EXD3: variants seen among roughly 807,000 people sequenced by gnomAD.
The protein encoded by EXD3 is exonuclease mut-7 homolog.
EXD3 carries 92 observed loss-of-function variants against 98.0 expected under a neutral mutation model. The ratio of observed to expected loss-of-function variants is 0.94; its 90% CI spans 0.79 to 1.12. The LOEUF is 1.12. Ranked by LOEUF, EXD3 falls within the 50% of genes most tolerant of loss-of-function variation. The pLI is 0.00. For synonymous variants in EXD3, 569 were observed against 526.0 expected (o/e 1.08, Z -1.12); for missense variants, 1,222 against 1,191.6 (o/e 1.03, Z -0.38).
intron 1 of EXD3, among the ~76,000 whole-genome samples, chr9:137,406,634 G>T (rs191724068): frequency 3.3e-4 from 51 of 152,312 alleles, no homozygotes; most frequent in Non-Finnish European, 5.4e-4. Context: ...TGGCGCTGAT[G>T]GTGTCTGATG....
chr9:137,345,745 TTCAA>T (rs1833898514), intron 17 of EXD3: 1 of 151,968 alleles, frequency 6.6e-6, no homozygotes. Context: ...GCTTCCCTTC[TTCAA>T]AAATGTTCTC....
At chr9:137,318,845 A>ACAGACCCCTGGC (rs1223700527) in intron 19 of EXD3, among the ~76,000 whole-genome samples, 1 of 152,182 alleles carries the variant, frequency 6.6e-6, no homozygotes, top group Non-Finnish European at 1.5e-5. Flanking sequence ...GGCGGTGGCC[A>ACAGACCCCTGGC]CAGACCCCTG....
At chr9:137,383,231 G>A (rs1408616714) in intron 3 of EXD3, 82 bp downstream of exon 3, 10 of 1,170,948 alleles carry the variant, frequency 8.5e-6, no homozygotes, top group Non-Finnish European at 1.2e-5. Flanking sequence ...GACCAGGGAG[G>A]CCTCCTGTTA....
At chr9:137,415,158 G>T (rs1288794815) in intron 1 of EXD3, among the ~76,000 whole-genome samples, 4 of 151,398 alleles carry the variant, frequency 2.6e-5, no homozygotes, top group Non-Finnish European at 4.4e-5. Context: ...AAAATGCTGG[G>T]ATTACAGGCG....
At chr9:137,418,208 G>A (rs11522285) in intron 1 of EXD3, among the ~76,000 whole-genome samples, 5,718 of 152,214 alleles carry the variant, frequency 0.038, 207 homozygotes, top group Non-Finnish European at 0.048. Flanking sequence ...TTAGCCAGGC[G>A]TGGTGGCATG....
At chr9:137,368,016 C>A in intron 5 of EXD3, 27 bp from the exon 6 acceptor site, 4 of 1,600,914 alleles carry the variant, frequency 2.5e-6, no homozygotes, top group Non-Finnish European at 3.4e-6. Flanking sequence ...CGGCAGATTA[C>A]TCAGGGCCTG....
intron 17 of EXD3, among the ~76,000 whole-genome samples, chr9:137,340,717 G>T (rs1012823215): frequency 1.3e-5 from 2 of 151,814 alleles, no homozygotes; most frequent in Admixed American, 6.6e-5. Context: ...ATAATGTCTC[G>T]CTATGTTACC....
intron 17 of EXD3, among the ~76,000 whole-genome samples, chr9:137,327,631 T>C (rs1003250299): frequency 2.0e-5 from 3 of 151,708 alleles, no homozygotes; most frequent in African/African-American, 7.3e-5. Flanking sequence ...TAATAACAAA[T>C]ATACACCCAT....
At chr9:137,419,427 C>T (rs6606589) in intron 1 of EXD3, among the ~76,000 whole-genome samples, 105,933 of 151,914 alleles carry the variant, frequency 0.7, 37,238 homozygotes, top group African/African-American at 0.77. Flanking sequence ...CCCAACACTT[C>T]GGGAGGCTGA....
chr9:137,380,410 C>T (rs1214931892), intron 3 of EXD3, among the ~76,000 whole-genome samples: 3 of 81,184 alleles, frequency 3.7e-5, no homozygotes, highest in Non-Finnish European at 7.6e-5. Flanking sequence ...CCCAACCCCC[C>T]TCCAGGCGTC....
chr9:137,398,467 T>C lies in EXD3; in HGVS notation c.-47-3063A>G, dbSNP rs1230728743. 2.0e-5 allele frequency among the ~76,000 whole-genome samples: 3 copies of C among 152,180 alleles called. No individual in the cohort carries two copies. In the South Asian group the frequency reaches 6.2e-4, roughly 31 times the overall value. ...AGGCAGAACCGCAAGGGAGGAGCAC[T>C]GAGTAGCCCTTTGCTTGTCTGAGAA... On this transcript the variant is annotated intron_variant, in intron 1 of 21. Transcript: ENST00000340951.
intron 1 of EXD3, among the ~76,000 whole-genome samples, chr9:137,399,743 A>C (rs10114795): frequency 0.48 from 72,831 of 152,004 alleles, 18,186 homozygotes; most frequent in African/African-American, 0.62. Context: ...TGGTGGTGGC[A>C]AGAGAAAATG....
chr9:137,378,939 G>A (rs1368394283), intron 3 of EXD3, among the ~76,000 whole-genome samples: 196 of 101,076 alleles, frequency 1.9e-3, no homozygotes, highest in Middle Eastern at 6.6e-3. Flanking sequence ...TGAGGGGTAC[G>A]GGGTTTGTGG....
intron 1 of EXD3, among the ~76,000 whole-genome samples, chr9:137,412,368 T>C (rs1044734773): frequency 6.6e-6 from 1 of 152,256 alleles, no homozygotes; most frequent in African/African-American, 2.4e-5. Context: ...TGGAAATATT[T>C]TGGGCATACT....
chr9:137,374,497 G>A (rs890273680), intron 3 of EXD3: 55 of 937,496 alleles, frequency 5.9e-5, no homozygotes, highest in African/African-American at 4.8e-4. Flanking sequence ...TGAGGCTGCC[G>A]CGCAGCTTTG....
chr9:137,390,713 T>A (rs1836859993), intron 2 of EXD3, among the ~76,000 whole-genome samples: 1 of 152,160 alleles, frequency 6.6e-6, no homozygotes, highest in African/African-American at 2.4e-5. Flanking sequence ...GTCTCCCTCA[T>A]GTCACCCTCA....
chr9:137,354,364 T>C lies in EXD3; in HGVS notation c.845A>G (p.Gln282Arg), dbSNP rs1834493153. The change falls in exon 10 of 22, where the codon CAG (glutamine) becomes CGG (arginine). Residue 282 changes from glutamine (Q) to arginine (R), a missense_variant. Physicochemically the swap from Gln to Arg is conservative, Grantham distance 43. Coordinates refer to ENST00000340951, the MANE Select transcript of EXD3 (RefSeq NM_017820.5). ...CTGCACATGGTCGGTCCAGTTCTCCTGTGACAGGCTCTTCTGCAAAGGCAA... is the reference window on the plus strand; with the variant it reads ...CTGCACATGGTCGGTCCAGTTCTCCCGTGACAGGCTCTTCTGCAAAGGCAA... ...HKRFVEKSLS[Q>R]ENWTDHVQGL... 1 of 1,612,272 alleles carries C rather than the reference T, an allele frequency of 6.2e-7. No homozygotes were observed. The highest frequency in any genetic ancestry group is 8.5e-7 in the Non-Finnish European group (1 of 1,179,570).
chr9:137,365,593 GCA>G (rs944024935), intron 7 of EXD3: 1 of 122,994 alleles, frequency 8.1e-6, no homozygotes, highest in African/African-American at 3.6e-5. Context: ...AGGTACACAC[GCA>G]CACACATGCA....
chr9:137,406,722 C>T (rs1414237741), intron 1 of EXD3, among the ~76,000 whole-genome samples: 1 of 152,152 alleles, frequency 6.6e-6, no homozygotes, highest in Non-Finnish European at 1.5e-5. Flanking sequence ...CTGGAAACTT[C>T]CCTGGGCTCT....
Sources: allele counts gnomAD v4.1 joint callset (sites outside exome capture counted in the v4.1 genomes callset), GRCh38; gene constraint gnomAD v4.1.1; transcripts MANE v1.5; gene names NCBI Gene and HGNC (gene_info 2026-07-23, HGNC 2026-07-21).